The following IL34 variants were observed in gnomAD, a reference collection of about 807,000 sequenced individuals.
The protein encoded by IL34 is interleukin-34.
A neutral mutation model predicts 25.3 loss-of-function variants in IL34; 17 were observed. The ratio of observed to expected loss-of-function variants is 0.67; its 90% CI spans 0.46 to 1.01. IL34 has a LOEUF of 1.01. Among genes scored for constraint, IL34 ranks in the 50% least tolerant of loss-of-function variants. IL34 has a pLI of 0.00. For synonymous variants in IL34, 174 were observed against 140.9 expected, an observed-to-expected ratio of 1.23 and a Z score of -1.66; for missense variants, 368 against 312.9, an observed-to-expected ratio of 1.18 and a Z score of -1.33.
At chr16:70,658,708 T>G (rs2052299711) in intron 4 of IL34, among the ~76,000 whole-genome samples, 1 of 152,130 alleles carries the variant, frequency 6.6e-6, no homozygotes, top group African/African-American at 2.4e-5. Context: ...TGGCCTCAAG[T>G]GATATGCCTC....
chr16:70,612,491 C>T (rs1472762844), intron 1 of IL34, among the ~76,000 whole-genome samples: 2 of 152,262 alleles, frequency 1.3e-5, no homozygotes, highest in African/African-American at 4.8e-5. Context: ...GCCGTAATTA[C>T]TCCAGAGACT....
At chr16:70,630,352 C>G (rs1051927340) in intron 1 of IL34, among the ~76,000 whole-genome samples, 2 of 152,178 alleles carry the variant, frequency 1.3e-5, no homozygotes, top group African/African-American at 2.4e-5. Context: ...CTGCCTCAAC[C>G]TCCCGAGTAG....
chr16:70,585,361 C>G (rs2050680441), intron 1 of IL34, among the ~76,000 whole-genome samples: 1 of 152,148 alleles, frequency 6.6e-6, no homozygotes, highest in Non-Finnish European at 1.5e-5. Context: ...GTTGCTGAGA[C>G]CACAGGCAAG....
At chr16:70,638,073 C>G (rs2051696053) in intron 1 of IL34, among the ~76,000 whole-genome samples, 1 of 152,158 alleles carries the variant, frequency 6.6e-6, no homozygotes, top group Non-Finnish European at 1.5e-5. Context: ...GGGTCTTTCT[C>G]CATACTACAA....
intron 1 of IL34, among the ~76,000 whole-genome samples, chr16:70,651,402 T>C (rs2052075332): frequency 6.6e-6 from 1 of 152,206 alleles, no homozygotes; most frequent in South Asian, 2.1e-4. Flanking sequence ...CACCCAATAC[T>C]GTATCAGGCA....
At chr16:70,619,666 T>C (rs1405256575) in intron 1 of IL34, among the ~76,000 whole-genome samples, 2 of 152,208 alleles carry the variant, frequency 1.3e-5, no homozygotes, top group Non-Finnish European at 2.9e-5. Flanking sequence ...TGAGAGTTAC[T>C]CGAAGCTCAG....
chr16:70,613,401 G>A (rs1440055457), intron 1 of IL34, among the ~76,000 whole-genome samples: 1 of 152,198 alleles, frequency 6.6e-6, no homozygotes, highest in Non-Finnish European at 1.5e-5. Flanking sequence ...GGCCACACTG[G>A]ATGGGGCCTC....
At chr16:70,607,813 G>A (rs1173074996) in intron 1 of IL34, among the ~76,000 whole-genome samples, 3 of 151,840 alleles carry the variant, frequency 2.0e-5, no homozygotes, top group Non-Finnish European at 1.5e-5. Context: ...TACCTAGGCT[G>A]GAGTGCAGTG....
chr16:70,653,314 A>G (rs952412591), intron 1 of IL34, among the ~76,000 whole-genome samples: 2 of 150,692 alleles, frequency 1.3e-5, no homozygotes, highest in African/African-American at 4.9e-5. Flanking sequence ...GGAGTTTCAG[A>G]CAAGCCTGGG....
intron 1 of IL34, among the ~76,000 whole-genome samples, chr16:70,650,193 G>A (rs1451091503): frequency 6.6e-6 from 1 of 152,188 alleles, no homozygotes; most frequent in African/African-American, 2.4e-5. Flanking sequence ...TTCCTGGTGT[G>A]CAGAGCATGT....
At chr16:70,629,583 T>C (rs755506497) in intron 1 of IL34, among the ~76,000 whole-genome samples, 2 of 152,206 alleles carry the variant, frequency 1.3e-5, no homozygotes, top group Non-Finnish European at 2.9e-5. Flanking sequence ...TAATAACGAA[T>C]ACAATGTAGA....
chr16:70,588,214 G>A lies in IL34; in HGVS notation c.-401+8165G>A, dbSNP rs567745091. Among the ~76,000 whole-genome samples, 8 of 151,634 alleles carry A rather than the reference G, an allele frequency of 5.3e-5. No individual in the cohort carries two copies. In the South Asian group the frequency reaches 1.5e-3, roughly 28 times the overall value. ...AAATTAACAAGTAGAGGCCGGGTGC[G>A]GTGGCTCATGCGTGTAATCCCAGCA... On this transcript the variant is annotated intron_variant, in intron 1 of 6. Coordinates refer to the IL34 transcript ENST00000429149.
upstream of IL34, among the ~76,000 whole-genome samples, chr16:70,646,178 G>T (rs2051923725): frequency 6.6e-6 from 1 of 152,104 alleles, no homozygotes; most frequent in Non-Finnish European, 1.5e-5. Context: ...CCAAAGTGCT[G>T]GGATTACAAG....
intron 1 of IL34, among the ~76,000 whole-genome samples, chr16:70,619,668 G>C (rs891709835): frequency 6.6e-6 from 1 of 152,142 alleles, no homozygotes; most frequent in Non-Finnish European, 1.5e-5. Flanking sequence ...AGAGTTACTC[G>C]AAGCTCAGCG....
At chr16:70,631,311 G>A (rs961300278) in intron 1 of IL34, among the ~76,000 whole-genome samples, 1 of 152,108 alleles carries the variant, frequency 6.6e-6, no homozygotes, top group African/African-American at 2.4e-5. Context: ...CTCCTTTCCT[G>A]CAGTAAATTA....
intron 1 of IL34, among the ~76,000 whole-genome samples, chr16:70,590,818 C>A (rs1202554392): frequency 6.6e-6 from 1 of 152,118 alleles, no homozygotes; most frequent in East Asian, 1.9e-4. Flanking sequence ...CCAAACCCGT[C>A]CCCCCGCAAG....
chr16:70,630,820 GT>G (rs1381957201), intron 1 of IL34, among the ~76,000 whole-genome samples: 5 of 152,014 alleles, frequency 3.3e-5, no homozygotes, highest in Non-Finnish European at 7.4e-5. Flanking sequence ...TGATCCTCTG[GT>G]CTCAGTTTTC....
chr16:70,607,468 A>G (rs1205318152), intron 1 of IL34, among the ~76,000 whole-genome samples: 2 of 152,174 alleles, frequency 1.3e-5, no homozygotes, highest in Non-Finnish European at 1.5e-5. Context: ...TTCCTTTCCA[A>G]TATGCATCCC....
At chr16:70,643,537 AT>A (rs1287733346), upstream of IL34, among the ~76,000 whole-genome samples, 2 of 152,008 alleles carry the variant, frequency 1.3e-5, no homozygotes, top group African/African-American at 4.8e-5. Context: ...CACCCACCTA[AT>A]TAAAAAAATT....
Sources: allele counts gnomAD v4.1 joint callset (sites outside exome capture counted in the v4.1 genomes callset), GRCh38; gene constraint gnomAD v4.1.1; transcripts MANE v1.5; gene names NCBI Gene and HGNC (gene_info 2026-07-23, HGNC 2026-07-21).